POU2F1: variants seen among roughly 807,000 people sequenced by gnomAD.
POU2F1 encodes the protein POU class 2 homeobox 1, also known as POU domain, class 2, transcription factor 1.
Under a neutral mutation model 84.9 loss-of-function variants are expected in POU2F1, and 16 were observed. The ratio of observed to expected loss-of-function variants is 0.19; its 90% CI spans 0.13 to 0.29. The LOEUF (loss-of-function observed/expected upper bound fraction) is 0.29. Ranked by LOEUF, POU2F1 falls within the 10% of genes least tolerant of loss-of-function variation. POU2F1 has a pLI of 1.00. For synonymous variants in POU2F1, 368 were observed against 368.3 expected (o/e 1.00, Z 0.01); for missense variants, 738 against 942.6 (o/e 0.78, Z 2.84).
At chr1:167,397,880 CT>C in intron 10 of POU2F1, 113 bp from the exon 11 acceptor site, 3 of 1,138,106 alleles carry the variant, frequency 2.6e-6, no homozygotes, top group South Asian at 3.2e-5. Flanking sequence ...ATGTGAAAAC[CT>C]TTTCATACTT....
At chr1:167,408,909 C>T (rs774889360) in intron 13 of POU2F1, among the ~76,000 whole-genome samples, 2 of 152,298 alleles carry the variant, frequency 1.3e-5, no homozygotes, top group South Asian at 4.1e-4. Flanking sequence ...TATATTCTTA[C>T]TATTGAGTTG....
intron 1 of POU2F1, among the ~76,000 whole-genome samples, chr1:167,300,176 A>G (rs1012889030): frequency 3.3e-5 from 5 of 152,198 alleles, no homozygotes; most frequent in African/African-American, 1.2e-4. Flanking sequence ...AAACCAAAAT[A>G]CCACATTTTC....
chr1:167,274,610 A>G (rs367727899), intron 1 of POU2F1, among the ~76,000 whole-genome samples: 2 of 152,126 alleles, frequency 1.3e-5, no homozygotes, highest in South Asian at 2.1e-4. Context: ...CCTAGTAAAT[A>G]TAGACCAAAA....
intron 1 of POU2F1, among the ~76,000 whole-genome samples, chr1:167,228,872 A>G (rs997027402): frequency 3.3e-5 from 5 of 152,178 alleles, no homozygotes; most frequent in African/African-American, 1.2e-4. Context: ...TTTTTATAGT[A>G]CTTTAAAATT....
At chr1:167,410,959 T>C (rs766937965) in intron 13 of POU2F1, among the ~76,000 whole-genome samples, 6 of 152,214 alleles carry the variant, frequency 3.9e-5, no homozygotes, top group Non-Finnish European at 5.9e-5. Flanking sequence ...TAATGTCAGT[T>C]AGTCATTTAT....
intron 12 of POU2F1, 61 bp from the exon 13 acceptor site, chr1:167,401,390 C>A: frequency 8.4e-7 from 1 of 1,188,012 alleles, no homozygotes; most frequent in Non-Finnish European, 1.2e-6. Context: ...ACTGTAAAAT[C>A]ATTTCCTCTT....
intron 1 of POU2F1, among the ~76,000 whole-genome samples, chr1:167,307,208 G>C (rs1170367215): frequency 6.6e-6 from 1 of 152,088 alleles, no homozygotes; most frequent in Non-Finnish European, 1.5e-5. Context: ...ACTGTGTAAA[G>C]TTATTCAAAA....
rs576916050 is a variant in POU2F1, at chr1:167,420,523, C to T, written c.*4713C>T. On this transcript the variant is annotated 3_prime_UTR_variant, in exon 16 of 16. Transcript: ENST00000367866. ...TACATTGCAATTAGTGTAGAATAAA[C>T]GCTTGGCTTATAGAACTCTCTGTTC... The T allele has an allele frequency of 1.9e-4, 29 of 152,298 alleles. No individual in the cohort carries two copies. The highest frequency in any genetic ancestry group is 6.5e-4 in the African/African-American group (27 of 41,548). The allele number at this position is 152,298 out of a possible 1,614,324, so 9.4% of individuals were successfully genotyped here. A position where few individuals can be genotyped will look rare whatever the true frequency, so the allele number is the denominator to read the frequency against.
chr1:167,351,268 C>A (rs180865292), intron 2 of POU2F1, among the ~76,000 whole-genome samples: 1 of 151,962 alleles, frequency 6.6e-6, no homozygotes, highest in Non-Finnish European at 1.5e-5. Flanking sequence ...ACAGGAGAAT[C>A]GCTTGAACCA....
intron 1 of POU2F1, among the ~76,000 whole-genome samples, chr1:167,314,805 A>G (rs1173366791): frequency 6.6e-6 from 1 of 152,108 alleles, no homozygotes; most frequent in Non-Finnish European, 1.5e-5. Flanking sequence ...CCTAAACCTA[A>G]TACACATAGA....
chr1:167,252,799 T>G (rs1273065547), intron 1 of POU2F1, among the ~76,000 whole-genome samples: 1 of 152,262 alleles, frequency 6.6e-6, no homozygotes, highest in Non-Finnish European at 1.5e-5. Context: ...ACTTCTTGTT[T>G]ATAACAGGTT....
rs533275825 is a variant in POU2F1, at chr1:167,344,484, T to C, written c.127+11949T>C. 1.4e-4 allele frequency among the ~76,000 whole-genome samples: 22 copies of C among 152,306 alleles called. No individual in the cohort carries two copies. The South Asian group carries it at 2.9e-3, about 20-fold the overall frequency. ...TAAGCAACTCTTTTCATGGAAGCTCTATATGGGGCTATATATATGTATCAT... is the reference window on the plus strand; with the variant it reads ...TAAGCAACTCTTTTCATGGAAGCTCCATATGGGGCTATATATATGTATCAT... On this transcript the variant is annotated intron_variant, in intron 2 of 15. Coordinates refer to ENST00000367866, the MANE Select transcript of POU2F1 (RefSeq NM_002697.4).
rs771777271 is a variant in POU2F1 at position 167,374,291 on chromosome 1, G to A, written c.586G>A (p.Ala196Thr). 7.0e-6 allele frequency: 11 copies of A among 1,581,734 alleles called. No homozygotes were observed. The highest frequency in any genetic ancestry group is 1.9e-4 in the Middle Eastern group (1 of 5,208). ...QIPLSQPIQI[A>T]QDLQQLQQLQ... ...CCCCCTGTCTCAGCCCATACAGATC[G>A]CACAGGTGAGTGAGGAACTCCAATA... The change falls in exon 6 of 16, where the codon GCA becomes ACA. Residue 196 changes from alanine to threonine, a missense_variant. Physicochemically the swap from Ala to Thr is moderately conservative, Grantham distance 58. Transcript: ENST00000367866.
At chr1:167,256,884 A>G (rs1651179849) in intron 1 of POU2F1, among the ~76,000 whole-genome samples, 1 of 152,204 alleles carries the variant, frequency 6.6e-6, no homozygotes, top group African/African-American at 2.4e-5. Flanking sequence ...TGAGGCAGTC[A>G]TAATTTTGAG....
intron 15 of POU2F1, chr1:167,414,422 G>A (rs897896348): frequency 6.9e-5 from 68 of 985,264 alleles, no homozygotes; most frequent in African/African-American, 1.0e-4. Context: ...CTATTTGTAT[G>A]AGCAAGGCCA....
intron 1 of POU2F1, among the ~76,000 whole-genome samples, chr1:167,275,397 C>G (rs879294690): frequency 6.7e-6 from 1 of 150,150 alleles, no homozygotes; most frequent in Non-Finnish European, 1.5e-5. Context: ...TTTTTTTTGG[C>G]TTATTTAAAA....
rs562808716 is a variant in POU2F1, at chr1:167,235,553, G to T, written c.61+14595G>T. Among the ~76,000 whole-genome samples the T allele has an allele frequency of 3.3e-5, 5 of 152,306 alleles. No homozygotes were observed. The East Asian group carries it at 7.7e-4, about 24-fold the overall frequency. ...TGCCATCAGGACCAGTACGAGACTGGTTTGGTGATTGAGCCCATTTCCTGG... is the reference window on the plus strand; with the variant it reads ...TGCCATCAGGACCAGTACGAGACTGTTTTGGTGATTGAGCCCATTTCCTGG... On this transcript the variant is annotated intron_variant, in intron 1 of 15. Transcript: ENST00000367866.
In POU2F1 at chr1:167,278,927, CAAATA is replaced by C. The variant is rs1652928890; in HGVS notation, c.62-53538_62-53534del. On this transcript the variant is annotated intron_variant, in intron 1 of 15. Transcript: ENST00000367866. ...ATGATTCTTTAAGTAAAACACTTTG[CAAATA>C]AAATGATCATCTGAAAGATATTTTT... 2.0e-5 allele frequency among the ~76,000 whole-genome samples: 3 copies of C among 151,944 alleles called. No individual in the cohort carries two copies. The South Asian group carries it at 6.2e-4, about 32-fold the overall frequency.
rs1470064019 is a variant in POU2F1 at position 167,425,449 on chromosome 1, T to G, written c.*9639T>G. On this transcript the variant is annotated 3_prime_UTR_variant, in exon 16 of 16. Transcript: ENST00000367866. ...AAGGGCAGGCAAGCTGCTTACCACCTTCCAGGGTCCAGCACAGGTGCATGC... is the reference window on the plus strand; with the variant it reads ...AAGGGCAGGCAAGCTGCTTACCACCGTCCAGGGTCCAGCACAGGTGCATGC... 2.0e-5 allele frequency: 3 copies of G among 152,284 alleles called. No individual in the cohort carries two copies. The highest frequency in any genetic ancestry group is 7.2e-5 in the African/African-American group (3 of 41,456). 9.4% of individuals were successfully genotyped at this position (152,284 alleles called of 1,614,324 possible). A position where few individuals can be genotyped will look rare whatever the true frequency, so the allele number is the denominator to read the frequency against.
Sources: gnomAD v4.1 joint callset for allele counts (sites outside exome capture counted in the v4.1 genomes callset) on GRCh38, gnomAD v4.1.1 for gene constraint, MANE v1.5 for transcripts, NCBI Gene and HGNC (gene_info 2026-07-23, HGNC 2026-07-21) for gene names.